DISC1: variants seen among roughly 807,000 people sequenced by gnomAD.
The protein encoded by DISC1 is DISC1 scaffold protein.
DISC1 carries 57 observed loss-of-function variants against 84.5 expected under a neutral mutation model. That is an observed-to-expected ratio of 0.67 (90% CI 0.55 to 0.84). The LOEUF is 0.84. DISC1 is among the 40% of genes least tolerant of loss of function. The pLI is 0.00. For missense variants in DISC1, 1,000 were observed against 1,057.8 expected, an observed-to-expected ratio of 0.95 and a Z score of 0.76; for synonymous variants, 411 against 415.2, an observed-to-expected ratio of 0.99 and a Z score of 0.12.
chr1:231,996,059 C>T (rs1403603443), intron 10 of DISC1, among the ~76,000 whole-genome samples: 23 of 152,202 alleles, frequency 1.5e-4, no homozygotes, highest in South Asian at 1.0e-3. Context: ...GGTATCTCAT[C>T]GTGGTTTTGA....
At chr1:231,797,190 A>G (rs2078829955) in intron 7 of DISC1, among the ~76,000 whole-genome samples, 1 of 152,220 alleles carries the variant, frequency 6.6e-6, no homozygotes, top group South Asian at 2.1e-4. Flanking sequence ...TATATAATGC[A>G]GATGGTGCTT....
At chr1:231,850,001 A>G (rs2083777539) in intron 9 of DISC1, among the ~76,000 whole-genome samples, 1 of 152,206 alleles carries the variant, frequency 6.6e-6, no homozygotes, top group African/African-American at 2.4e-5. Context: ...AGCACTCACC[A>G]TGGTGTCCAA....
intron 1 of DISC1, among the ~76,000 whole-genome samples, chr1:231,644,954 C>G (rs558767044): frequency 6.6e-6 from 1 of 152,170 alleles, no homozygotes; most frequent in South Asian, 2.1e-4. Context: ...CCATCCTCAT[C>G]ATGCATGCAG....
intron 9 of DISC1, among the ~76,000 whole-genome samples, chr1:231,843,496 G>A (rs2083232059): frequency 6.6e-6 from 1 of 152,226 alleles, no homozygotes; most frequent in African/African-American, 2.4e-5. Context: ...GCTGCAGAAT[G>A]GAGAGAGAAT....
At chr1:231,659,076 T>G (rs2061370350) in intron 1 of DISC1, among the ~76,000 whole-genome samples, 1 of 152,196 alleles carries the variant, frequency 6.6e-6, no homozygotes. Flanking sequence ...TCTTTGTACC[T>G]CTGGTAGAAT....
chr1:231,824,325 T>TA (rs748052320), intron 9 of DISC1, among the ~76,000 whole-genome samples: 71 of 151,980 alleles, frequency 4.7e-4, no homozygotes, highest in Admixed American at 8.5e-4. Flanking sequence ...CATTTAGATT[T>TA]AAAAAAAAAT....
intron 1 of DISC1, among the ~76,000 whole-genome samples, chr1:231,679,544 A>G (rs1415786070): frequency 4.6e-5 from 7 of 152,258 alleles, no homozygotes; most frequent in African/African-American, 1.7e-4. Context: ...ATGAGAAAAC[A>G]TTGTTATAAC....
chr1:231,940,048 C>T lies in DISC1; in HGVS notation c.1982-18780C>T, dbSNP rs769265552. ...ATGGGCCACCATGCCTGGGTTTCTC[C>T]GCTTATTCTTAATATTTTAACTCAG... On this transcript the variant is annotated intron_variant, in intron 9 of 12. Coordinates refer to ENST00000439617, the MANE Select transcript of DISC1 (RefSeq NM_018662.3). 1.1e-4 allele frequency among the ~76,000 whole-genome samples: 16 copies of T among 151,870 alleles called. No homozygotes were observed. In the South Asian group the frequency reaches 1.5e-3, roughly 14 times the overall value.
intron 3 of DISC1, among the ~76,000 whole-genome samples, chr1:231,707,518 G>A (rs1429695055): frequency 6.6e-6 from 1 of 152,090 alleles, no homozygotes; most frequent in Admixed American, 6.5e-5. Context: ...TATGTGTCAT[G>A]AGACTCACTA....
intron 1 of DISC1, among the ~76,000 whole-genome samples, chr1:231,686,849 C>T (rs1486677956): frequency 6.6e-6 from 1 of 152,164 alleles, no homozygotes; most frequent in Non-Finnish European, 1.5e-5. Flanking sequence ...CTCTTGAAGG[C>T]TTTGCTGCTT....
chr1:231,661,696 T>A (rs1366516240), intron 1 of DISC1, among the ~76,000 whole-genome samples: 1 of 152,214 alleles, frequency 6.6e-6, no homozygotes, highest in Non-Finnish European at 1.5e-5. Context: ...AACATGCTCC[T>A]TTTACTCAGT....
intron 6 of DISC1, among the ~76,000 whole-genome samples, chr1:231,773,344 C>T (rs192823429): frequency 2.3e-4 from 35 of 152,236 alleles, no homozygotes; most frequent in Non-Finnish European, 4.6e-4. Flanking sequence ...GTGACTTTTA[C>T]TGAGTAATCT....
rs189501607 is a variant in DISC1 at position 231,682,034 on chromosome 1, G to A, written c.68-11792G>A. Among the ~76,000 whole-genome samples, 727 of 152,262 alleles carry A rather than the reference G, an allele frequency of 4.8e-3. 3 individuals carry two copies. Among genetic ancestry groups the A allele is most frequent in the Middle Eastern group, 0.02 (6 of 294 alleles). On this transcript the variant is annotated intron_variant, in intron 1 of 12. Transcript: ENST00000439617. Reference sequence around the variant, plus strand: ...ATTTTTAATATTATGTGCATGGGGGGCATCACAGGAAAAAATAGTAAATAC... The same window carrying A: ...ATTTTTAATATTATGTGCATGGGGGACATCACAGGAAAAAATAGTAAATAC...
intron 9 of DISC1, among the ~76,000 whole-genome samples, chr1:231,922,093 G>A (rs2090046939): frequency 6.6e-6 from 1 of 152,128 alleles, no homozygotes; most frequent in African/African-American, 2.4e-5. Context: ...GGGAATTTGG[G>A]TGAATCCTGA....
At chr1:231,772,594 A>G (rs919007685) in intron 6 of DISC1, among the ~76,000 whole-genome samples, 13 of 152,186 alleles carry the variant, frequency 8.5e-5, no homozygotes, top group African/African-American at 3.1e-4. Flanking sequence ...TATCACATGG[A>G]TGAACCGAGG....
intron 9 of DISC1, among the ~76,000 whole-genome samples, chr1:231,861,078 T>C (rs1281488101): frequency 6.6e-6 from 1 of 152,198 alleles, no homozygotes; most frequent in Non-Finnish European, 1.5e-5. Flanking sequence ...GTTCTGTTCC[T>C]GTGAATGTCG....
chr1:232,021,805 T>G (rs972240995), intron 11 of DISC1, among the ~76,000 whole-genome samples: 1 of 152,168 alleles, frequency 6.6e-6, no homozygotes, highest in African/African-American at 2.4e-5. Context: ...TGGGGCACAG[T>G]GAGGAGGGTG....
intron 10 of DISC1, among the ~76,000 whole-genome samples, chr1:231,966,093 A>C (rs367795042): frequency 2.0e-5 from 3 of 152,228 alleles, no homozygotes; most frequent in African/African-American, 4.8e-5. Context: ...TGAATGGATA[A>C]ATCGCAATTT....
intron 6 of DISC1, among the ~76,000 whole-genome samples, chr1:231,789,365 C>T (rs961387817): frequency 1.3e-5 from 2 of 152,130 alleles, no homozygotes; most frequent in Non-Finnish European, 2.9e-5. Flanking sequence ...AGGTAAGAGA[C>T]GAGATGAGAG....
Sources: allele counts gnomAD v4.1 joint callset (sites outside exome capture counted in the v4.1 genomes callset), GRCh38; gene constraint gnomAD v4.1.1; transcripts MANE v1.5; gene names NCBI Gene and HGNC (gene_info 2026-07-23, HGNC 2026-07-21).